RAP1A: variants seen among roughly 807,000 people sequenced by gnomAD.
The protein encoded by RAP1A is RAP1A, member of RAS oncogene family.
RAP1A carries 6 observed loss-of-function variants against 26.4 expected under a neutral mutation model. The observed-to-expected ratio is 0.23, with a 90% CI of 0.12 to 0.45. The LOEUF is 0.45. Among genes scored for constraint, RAP1A ranks in the 20% least tolerant of loss-of-function variants. RAP1A has a pLI of 0.99. For missense variants in RAP1A, 121 were observed against 217.2 expected (o/e 0.56, Z 2.78); for synonymous variants, 73 against 79.4 (o/e 0.92, Z 0.43).
intron 1 of RAP1A, among the ~76,000 whole-genome samples, chr1:111,678,264 T>C (rs1488764823): frequency 1.3e-5 from 2 of 152,222 alleles, no homozygotes; most frequent in African/African-American, 2.4e-5. Flanking sequence ...ATGGCATAGC[T>C]CTCTATTAAG....
chr1:111,639,299 A>C (rs1020361684), intron 1 of RAP1A, among the ~76,000 whole-genome samples: 1 of 152,150 alleles, frequency 6.6e-6, no homozygotes, highest in Admixed American at 6.5e-5. Flanking sequence ...TAGATGTTAT[A>C]GTAGGTAACA....
At chr1:111,639,288 A>G (rs1372512919) in intron 1 of RAP1A, among the ~76,000 whole-genome samples, 2 of 152,180 alleles carry the variant, frequency 1.3e-5, no homozygotes, top group African/African-American at 4.8e-5. Flanking sequence ...AAATATCAGA[A>G]TAGATGTTAT....
chr1:111,690,479 C>T (rs1557893924), intron 1 of RAP1A, among the ~76,000 whole-genome samples: 1 of 152,240 alleles, frequency 6.6e-6, no homozygotes, highest in Non-Finnish European at 1.5e-5. Flanking sequence ...TCTCCCTTCA[C>T]CACAGTCTGA....
chr1:111,671,130 G>T (rs1238820323), intron 1 of RAP1A, among the ~76,000 whole-genome samples: 3 of 152,172 alleles, frequency 2.0e-5, no homozygotes, highest in African/African-American at 7.2e-5. Context: ...GTAAACCTGA[G>T]AAATTGTGGA....
chr1:111,676,799 T>C (rs1191089840), intron 1 of RAP1A, among the ~76,000 whole-genome samples: 1 of 151,826 alleles, frequency 6.6e-6, no homozygotes, highest in Non-Finnish European at 1.5e-5. Context: ...TCTCTAGATT[T>C]TTTTTTTTTT....
intron 1 of RAP1A, among the ~76,000 whole-genome samples, chr1:111,602,697 TG>T (rs1658695905): frequency 6.6e-6 from 1 of 152,226 alleles, no homozygotes; most frequent in African/African-American, 2.4e-5. Context: ...AAAGTCCAGC[TG>T]ACACAGAGTT....
chr1:111,562,838 T>C (rs1571471091), intron 1 of RAP1A, among the ~76,000 whole-genome samples: 1 of 152,354 alleles, frequency 6.6e-6, no homozygotes, highest in South Asian at 2.1e-4. Context: ...TGCTTTTAGT[T>C]CTCAATCAAT....
intron 1 of RAP1A, among the ~76,000 whole-genome samples, chr1:111,681,322 A>G (rs1661287539): frequency 6.6e-6 from 1 of 152,206 alleles, no homozygotes; most frequent in Non-Finnish European, 1.5e-5. Context: ...CCTCCCCAAC[A>G]AGGGAACAAA....
At chr1:111,565,776 A>C (rs541488537) in intron 1 of RAP1A, among the ~76,000 whole-genome samples, 29 of 152,178 alleles carry the variant, frequency 1.9e-4, no homozygotes, top group Admixed American at 1.7e-3. Flanking sequence ...TGTACTTTTT[A>C]CTTCTACTTT....
chr1:111,669,943 TATTGAA>T (rs1406637288), intron 1 of RAP1A, among the ~76,000 whole-genome samples: 1 of 152,132 alleles, frequency 6.6e-6, no homozygotes, highest in Non-Finnish European at 1.5e-5. Context: ...GCAGCTGACT[TATTGAA>T]AGGAAAGTAG....
intron 1 of RAP1A, among the ~76,000 whole-genome samples, chr1:111,559,328 G>A (rs1429981597): frequency 6.6e-6 from 1 of 152,100 alleles, no homozygotes; most frequent in Admixed American, 6.5e-5. Context: ...ATTTATTCAT[G>A]CATTAAACTA....
chr1:111,602,818 G>A (rs112781127), intron 1 of RAP1A, among the ~76,000 whole-genome samples: 4,550 of 152,246 alleles, frequency 0.03, 109 homozygotes, highest in Non-Finnish European at 0.043. Flanking sequence ...GTATCTACAC[G>A]TTATGCCCCT....
chr1:111,670,365 T>C (rs1441557221), intron 1 of RAP1A, among the ~76,000 whole-genome samples: 1 of 152,016 alleles, frequency 6.6e-6, no homozygotes, highest in Non-Finnish European at 1.5e-5. Flanking sequence ...TCCCAGCTAC[T>C]CTGGAGGCTG....
intron 1 of RAP1A, among the ~76,000 whole-genome samples, chr1:111,602,524 G>A (rs535670961): frequency 7.2e-5 from 11 of 152,192 alleles, no homozygotes; most frequent in Admixed American, 3.3e-4. Flanking sequence ...ACTACTCTGT[G>A]GGGTGGGACA....
intron 1 of RAP1A, among the ~76,000 whole-genome samples, chr1:111,688,519 C>T (rs552698042): frequency 5.3e-5 from 8 of 151,742 alleles, no homozygotes; most frequent in Non-Finnish European, 8.8e-5. Context: ...GGGGTTTCGC[C>T]GTGTTGCCCA....
rs964192998 is a variant in RAP1A, at chr1:111,619,930, G to C, written c.-32G>C. 13 of 398,542 alleles carry C rather than the reference G, an allele frequency of 3.3e-5. No homozygotes were observed. Among genetic ancestry groups the C allele is most frequent in the Non-Finnish European group, 5.7e-5 (13 of 226,202 alleles). The allele number at this position is 398,542 out of a possible 1,614,324, so 24.7% of individuals were successfully genotyped here. ...AGGAGGTGGAGGAGGCGCCGGACCG[G>C]GGGGGTGAGTAAGGGGCGGGGAGCT... On this transcript the variant is annotated 5_prime_UTR_variant, in exon 1 of 8. Transcript: ENST00000369709.
chr1:111,661,069 G>C (rs190628375), intron 1 of RAP1A, among the ~76,000 whole-genome samples: 1 of 152,352 alleles, frequency 6.6e-6, no homozygotes, highest in African/African-American at 2.4e-5. Context: ...ATGCATTGGA[G>C]AAGATGTAAG....
intron 1 of RAP1A, chr1:111,648,174 AGTGTGT>A (rs143658994): frequency 0.015 from 3,366 of 230,888 alleles, 89 homozygotes; most frequent in African/African-American, 0.069. Context: ...AGGTTCAAAC[AGTGTGT>A]GTGTGTGTGT....
intron 1 of RAP1A, among the ~76,000 whole-genome samples, chr1:111,601,995 A>T (rs1382660740): frequency 6.6e-6 from 1 of 152,246 alleles, no homozygotes; most frequent in East Asian, 1.9e-4. Context: ...TTCAATAAAC[A>T]AGCCATAGGG....
Sources: gnomAD v4.1 joint callset for allele counts (sites outside exome capture counted in the v4.1 genomes callset) on GRCh38, gnomAD v4.1.1 for gene constraint, MANE v1.5 for transcripts, NCBI Gene and HGNC (gene_info 2026-07-23, HGNC 2026-07-21) for gene names.